Variants in A1CF observed in about 807,000 individuals in gnomAD.
A1CF encodes the protein APOBEC-1 stimulating protein.
A neutral mutation model predicts 68.9 loss-of-function variants in A1CF; 48 were observed. The ratio of observed to expected loss-of-function variants is 0.70; its 90% CI spans 0.55 to 0.89. A1CF has a LOEUF of 0.89. Ranked by LOEUF, A1CF falls within the 40% of genes least tolerant of loss-of-function variation. The pLI, the probability that A1CF is intolerant of heterozygous loss-of-function variation, is 0.00. For synonymous variants in A1CF, 272 were observed against 260.4 expected, an observed-to-expected ratio of 1.04 and a Z score of -0.43; for missense variants, 653 against 718.9, an observed-to-expected ratio of 0.91 and a Z score of 1.05.
intron 5 of A1CF, among the ~76,000 whole-genome samples, chr10:50,836,688 CCT>C (rs1254449641): frequency 9.7e-6 from 1 of 103,574 alleles, no homozygotes; most frequent in African/African-American, 3.8e-5. Flanking sequence ...ATCCCTCCCC[CCT>C]CCCCCCACCC....
intron 7 of A1CF, among the ~76,000 whole-genome samples, chr10:50,827,258 G>C (rs1439257005): frequency 6.6e-6 from 1 of 152,118 alleles, no homozygotes; most frequent in African/African-American, 2.4e-5. Context: ...TTCAGGAATT[G>C]AACTCAGCTC....
At chr10:50,810,562 CCT>C (rs1266883135) in intron 11 of A1CF, among the ~76,000 whole-genome samples, 1 of 152,190 alleles carries the variant, frequency 6.6e-6, no homozygotes, top group Admixed American at 6.5e-5. Flanking sequence ...GCAAACTCCA[CCT>C]CTCAGGTTCA....
Position 50,875,079 on chromosome 10 carries a change from T to C in A1CF, c.-94+10502A>G, listed in dbSNP as rs367591441. 3.7e-4 allele frequency among the ~76,000 whole-genome samples: 57 copies of C among 152,286 alleles called. 3 individuals are homozygous for C. The South Asian group carries it at 0.011, about 29-fold the overall frequency. The stretch of plus-strand genomic sequence containing the variant: ...AACAATTGAGAATAATTGAATTTAT[T>C]CCACCAGCCAAATACATGGACCATA... On this transcript the variant is annotated intron_variant, in intron 1 of 12. Coordinates refer to ENST00000373997, the MANE Select transcript of A1CF (RefSeq NM_014576.4).
At chr10:50,811,236 T>C in intron 10 of A1CF, 60 bp from the exon 11 acceptor site, 2 of 1,521,680 alleles carry the variant, frequency 1.3e-6, no homozygotes, top group Non-Finnish European at 1.8e-6. Context: ...ATTTCCCAAG[T>C]TTTCAGGTTT....
At position 50,816,233 on chromosome 10, in the gene A1CF, T is replaced by C; in HGVS notation, c.914A>G (p.Asp305Gly). 1 of 1,613,688 alleles carries C rather than the reference T, an allele frequency of 6.2e-7. No homozygotes were observed. Residue 305 changes from aspartate (D) to glycine (G), a missense_variant, in exon 9 of 13, where the codon GAC becomes GGC. Physicochemically the swap from Asp to Gly is moderately conservative, Grantham distance 94. Coordinates refer to ENST00000373997, the MANE Select transcript of A1CF (RefSeq NM_014576.4). ...PIEVTLAKPVDKDSYVRYTRG... is the reference protein window; with the variant it reads ...PIEVTLAKPVGKDSYVRYTRG... The stretch of plus-strand genomic sequence containing the variant: ...GGTATACCTAACATAACTGTCCTTG[T>C]CCACTGGTTTTGCTAGGGTGACTTC...
At chr10:50,844,839 T>C (rs1175484472) in intron 3 of A1CF, among the ~76,000 whole-genome samples, 1 of 152,298 alleles carries the variant, frequency 6.6e-6, no homozygotes, top group South Asian at 2.1e-4. Context: ...AAAAGACATA[T>C]GTTAGTTGTT....
At chr10:50,856,072 C>T (rs894784839) in intron 3 of A1CF, among the ~76,000 whole-genome samples, 1 of 151,978 alleles carries the variant, frequency 6.6e-6, no homozygotes, top group African/African-American at 2.4e-5. Flanking sequence ...TGTGTTTCTA[C>T]ATATTTAGGC....
At chr10:50,839,519 G>A (rs1839674003) in intron 5 of A1CF, among the ~76,000 whole-genome samples, 1 of 152,194 alleles carries the variant, frequency 6.6e-6, no homozygotes, top group Non-Finnish European at 1.5e-5. Context: ...AGAGGTTAAA[G>A]CATTCGTCCA....
rs776459791 is a variant in A1CF at position 50,836,155 on chromosome 10, T to C, written c.523A>G (p.Lys175Glu). ...DVIVYPSAADKTKNRGFAFVE... is the reference protein window; with the variant it reads ...DVIVYPSAADETKNRGFAFVE... ...AAGGCAAAGCCTCGGTTTTTGGTTT[T>C]ATCTGCAGCGCTTGGGTAGACGATG... Residue 175 changes from lysine (K) to glutamate (E), a missense_variant, in exon 6 of 13, where the codon AAA (lysine) becomes GAA (glutamate). Transcript: ENST00000373997. 9.9e-6 allele frequency: 16 copies of C among 1,613,940 alleles called. No individual in the cohort carries two copies. The highest frequency in any genetic ancestry group is 1.3e-5 in the African/African-American group (1 of 74,936).
At chr10:50,877,335 T>C (rs553206996) in intron 1 of A1CF, among the ~76,000 whole-genome samples, 3 of 152,348 alleles carry the variant, frequency 2.0e-5, no homozygotes, top group South Asian at 4.1e-4. Flanking sequence ...TCTAGTGTTA[T>C]GTTTCTCCCT....
intron 1 of A1CF, among the ~76,000 whole-genome samples, chr10:50,866,009 C>A (rs1184780573): frequency 6.6e-6 from 1 of 152,168 alleles, no homozygotes; most frequent in Non-Finnish European, 1.5e-5. Flanking sequence ...AGAAGAAATG[C>A]AAAACTTTGG....
At chr10:50,882,757 T>G (rs180716209) in intron 1 of A1CF, among the ~76,000 whole-genome samples, 1 of 152,306 alleles carries the variant, frequency 6.6e-6, no homozygotes, top group East Asian at 1.9e-4. Context: ...TACTGTCTTG[T>G]TTGAACTTAT....
In A1CF at chr10:50,844,088, G is replaced by T. The variant is rs1262984769; in HGVS notation, c.134C>A (p.Pro45His). The T allele has an allele frequency of 6.2e-7, 1 of 1,612,154 alleles. No homozygotes were observed. Among genetic ancestry groups the T allele is most frequent in the Non-Finnish European group, 8.5e-7 (1 of 1,179,440 alleles). The change falls in exon 4 of 13, where the codon CCT (proline) becomes CAT (histidine). Residue 45 changes from proline (P) to histidine (H), a missense_variant. Pro to His is a moderately conservative substitution (Grantham distance 77). Coordinates refer to ENST00000373997, the MANE Select transcript of A1CF (RefSeq NM_014576.4). ...NGQRKYGGPP[P>H]GWDAAPPERG... ...TTCAGGGGGTGCAGCATCCCAACCA[G>T]GTGGAGGGCCACCATATTTTCTTTG...
intron 1 of A1CF, among the ~76,000 whole-genome samples, chr10:50,884,808 A>G (rs1589062191): frequency 6.6e-6 from 1 of 152,336 alleles, no homozygotes; most frequent in Non-Finnish European, 1.5e-5. Flanking sequence ...AAAATGGGAT[A>G]TTTTTGGTAA....
chr10:50,867,491 A>C (rs906914185), intron 1 of A1CF, among the ~76,000 whole-genome samples: 5 of 152,190 alleles, frequency 3.3e-5, no homozygotes, highest in African/African-American at 1.2e-4. Flanking sequence ...ATGTGTACAC[A>C]TGGAGGTAGA....
Position 50,816,116 on chromosome 10 carries a change from G to A in A1CF, c.1031C>T (p.Ala344Val). 1 of 1,613,870 alleles carries A rather than the reference G, an allele frequency of 6.2e-7. No individual in the cohort carries two copies. Among genetic ancestry groups the A allele is most frequent in the Middle Eastern group, 1.7e-4 (1 of 6,058 alleles). The change falls in exon 9 of 13, where the codon GCT becomes GTT. Residue 344 changes from alanine to valine, a missense_variant. Coordinates refer to ENST00000373997, the MANE Select transcript of A1CF (RefSeq NM_014576.4). ...GGTCTGGGGGGCATAGAAGACAGGA[G>A]CTCCAAGGTAGGTTGTGGTGGGATC... ...VYDPTTTYLG[A>V]PVFYAPQTYA...
In A1CF at chr10:50,816,237, C is replaced by A. The variant is rs1588970755; in HGVS notation, c.910G>T (p.Val304Leu). ...TACCTAACATAACTGTCCTTGTCCACTGGTTTTGCTAGGGTGACTTCAATG... is the reference window on the plus strand; with the variant it reads ...TACCTAACATAACTGTCCTTGTCCAATGGTTTTGCTAGGGTGACTTCAATG... ...SPIEVTLAKP[V>L]DKDSYVRYTR... Residue 304 changes from valine to leucine, a missense_variant, in exon 9 of 13, where the codon GTG becomes TTG. Val to Leu is a conservative substitution (Grantham distance 32). Coordinates refer to ENST00000373997, the MANE Select transcript of A1CF (RefSeq NM_014576.4). 1 of 1,613,532 alleles carries A rather than the reference C, an allele frequency of 6.2e-7. No individual in the cohort carries two copies. The highest frequency in any genetic ancestry group is 1.1e-5 in the South Asian group (1 of 91,072).
chr10:50,882,229 A>G (rs1470163724), intron 1 of A1CF, among the ~76,000 whole-genome samples: 2 of 152,154 alleles, frequency 1.3e-5, no homozygotes, highest in Non-Finnish European at 2.9e-5. Context: ...TGAGTTCAGG[A>G]GTTCGAGACC....
At chr10:50,824,333 T>C (rs1387256892) in intron 7 of A1CF, 1 of 152,174 alleles carries the variant, frequency 6.6e-6, no homozygotes, top group African/African-American at 2.4e-5. Flanking sequence ...AAGCAGCCTT[T>C]TAGTAGTTTC....
Sources: allele counts gnomAD v4.1 joint callset (sites outside exome capture counted in the v4.1 genomes callset), GRCh38; gene constraint gnomAD v4.1.1; transcripts MANE v1.5; gene names NCBI Gene and HGNC (gene_info 2026-07-23, HGNC 2026-07-21).